RTL9: variants seen among roughly 807,000 people sequenced by gnomAD.
RTL9 encodes retrotransposon Gag-like protein 9.
Under a neutral mutation model 44.7 loss-of-function variants are expected in RTL9, and 19 were observed. The observed-to-expected ratio is 0.42, with a 90% CI of 0.30 to 0.62. RTL9 has a LOEUF of 0.62. Ranked by LOEUF, RTL9 falls within the 20% of genes least tolerant of loss-of-function variation. The pLI, the probability that RTL9 is intolerant of heterozygous loss-of-function variation, is 0.16. For synonymous variants in RTL9, 407 were observed against 398.9 expected, an observed-to-expected ratio of 1.02 and a Z score of -0.24; for missense variants, 1,105 against 1,080.6, an observed-to-expected ratio of 1.02 and a Z score of -0.32.
chrX:110,424,953 CA>C (rs2068743739), intron 1 of RTL9, among the ~76,000 whole-genome samples: 1 of 111,581 alleles, frequency 9.0e-6, no homozygotes, highest in African/African-American at 3.3e-5. Context: ...TTAGTCTTGA[CA>C]ACAGTATTCT....
intron 1 of RTL9, among the ~76,000 whole-genome samples, chrX:110,406,146 T>C (rs1382489108): frequency 9.1e-6 from 1 of 109,923 alleles, no homozygotes; most frequent in Non-Finnish European, 1.9e-5. Flanking sequence ...CTGTGTTACA[T>C]GTGCAGAACT....
At chrX:110,417,346 G>C (rs753740992), upstream of RTL9, among the ~76,000 whole-genome samples, 2 of 112,261 alleles carry the variant, frequency 1.8e-5, no homozygotes, top group Non-Finnish European at 3.8e-5. Flanking sequence ...ATTCAACAAT[G>C]ATTTATTGTG....
intron 1 of RTL9, among the ~76,000 whole-genome samples, chrX:110,422,416 T>G (rs2148322296): frequency 8.9e-6 from 1 of 112,671 alleles, no homozygotes; most frequent in South Asian, 3.7e-4. Flanking sequence ...GTTTGCAGAC[T>G]GGAATTTGCA....
At chrX:110,384,731 A>G (rs1487590909) in intron 1 of RTL9, among the ~76,000 whole-genome samples, 1 of 110,599 alleles carries the variant, frequency 9.0e-6, no homozygotes, top group African/African-American at 3.3e-5. Context: ...GAGTCACTAT[A>G]AGAGCTTTTC....
intron 1 of RTL9, among the ~76,000 whole-genome samples, chrX:110,380,203 T>G: frequency 8.9e-6 from 1 of 111,814 alleles, no homozygotes; most frequent in Non-Finnish European, 1.9e-5. Flanking sequence ...GAATTAAGGT[T>G]GCAAAATTGT....
At chrX:110,395,940 T>C (rs1464787029) in intron 1 of RTL9, among the ~76,000 whole-genome samples, 1 of 111,975 alleles carries the variant, frequency 8.9e-6, no homozygotes, top group African/African-American at 3.3e-5. Context: ...CCAGGGCTTA[T>C]GGAAGAACTT....
intron 1 of RTL9, among the ~76,000 whole-genome samples, chrX:110,366,709 T>G (rs2068299623): frequency 9.0e-6 from 1 of 111,560 alleles, no homozygotes; most frequent in African/African-American, 3.3e-5. Flanking sequence ...ATCCAATCGT[T>G]GTTAAATCCT....
chrX:110,453,130 A>G (rs779171967), exon 1 of RTL9: 1 of 1,209,939 alleles, frequency 8.3e-7, no homozygotes, highest in South Asian at 1.8e-5. Context: ...CCACAAGTGA[A>G]GGCTCCCATC....
chrX:110,397,651 C>T (rs1321829804), intron 1 of RTL9, among the ~76,000 whole-genome samples: 1 of 110,868 alleles, frequency 9.0e-6, no homozygotes, highest in Non-Finnish European at 1.9e-5. Flanking sequence ...AGAGAAATAC[C>T]CTGGTTTCTC....
chrX:110,404,241 CT>C (rs2068583212), intron 1 of RTL9, among the ~76,000 whole-genome samples: 1 of 111,816 alleles, frequency 8.9e-6, no homozygotes, highest in South Asian at 3.8e-4. Flanking sequence ...ACCTTTTCCC[CT>C]AGATCCTCTT....
chrX:110,431,294 G>A (rs1417397296), intron 1 of RTL9, among the ~76,000 whole-genome samples: 2 of 106,991 alleles, frequency 1.9e-5, no homozygotes, highest in African/African-American at 7.0e-5. Flanking sequence ...ATGAAGTGAA[G>A]GTTCATGAGA....
chrX:110,369,290 C>T (rs1240567616), intron 1 of RTL9, among the ~76,000 whole-genome samples: 1 of 111,200 alleles, frequency 9.0e-6, no homozygotes, highest in Non-Finnish European at 1.9e-5. Flanking sequence ...AGAGATGGCA[C>T]CACTGCACTA....
intron 1 of RTL9, among the ~76,000 whole-genome samples, chrX:110,372,729 G>A (rs904769699): frequency 9.0e-6 from 1 of 111,594 alleles, no homozygotes; most frequent in Non-Finnish European, 1.9e-5. Context: ...AAAATATATG[G>A]CTGAGCTCCA....
intron 1 of RTL9, among the ~76,000 whole-genome samples, chrX:110,441,785 A>G (rs113855873): frequency 0.011 from 1,288 of 112,098 alleles, 18 homozygotes; most frequent in African/African-American, 0.039. Context: ...AGAGGCACAT[A>G]GGAAATTGTG....
rs764338705 is a variant in RTL9, at chrX:110,367,880, C to T, written c.-168+8964C>T. ...CTGGAATGGAGTGGCACAATCATAG[C>T]TCACTATAACTTCAGACTCCTGGGC... is the stretch of plus-strand genomic sequence containing the variant. On this transcript the variant is annotated intron_variant, in intron 1 of 2. Coordinates refer to the RTL9 transcript ENST00000520821. Among the ~76,000 whole-genome samples the T allele has an allele frequency of 2.7e-5, 3 of 109,815 alleles. No individual in the cohort carries two copies. The East Asian group carries it at 8.5e-4, about 31-fold the overall frequency.
intron 1 of RTL9, among the ~76,000 whole-genome samples, chrX:110,442,870 AG>A (rs1317949422): frequency 8.9e-6 from 1 of 112,168 alleles, no homozygotes; most frequent in African/African-American, 3.2e-5. Context: ...GTCACTCTAT[AG>A]GCTGGCAAAC....
rs560749435 is a variant in RTL9 at position 110,399,643 on chromosome X, A to G, written c.-168+40727A>G. On this transcript the variant is annotated intron_variant, in intron 1 of 2. Coordinates refer to the RTL9 transcript ENST00000520821. ...TGAAAGGCGACCTGGTTCACTTACAAATAAATGATTAATATAATCTCATTG... is the reference window on the plus strand; with the variant it reads ...TGAAAGGCGACCTGGTTCACTTACAGATAAATGATTAATATAATCTCATTG... Among the ~76,000 whole-genome samples, 135 of 112,224 alleles carry G rather than the reference A, an allele frequency of 1.2e-3. 4 individuals carry two copies. In the South Asian group the frequency reaches 0.05, roughly 41 times the overall value.
rs1353756224 is a variant in RTL9, at chrX:110,365,766, T to C, written c.-168+6850T>C. Among the ~76,000 whole-genome samples the C allele has an allele frequency of 2.7e-5, 3 of 112,037 alleles. No homozygotes were observed. In the Admixed American group the frequency reaches 2.8e-4, roughly 11 times the overall value. On this transcript the variant is annotated intron_variant, in intron 1 of 2. Coordinates refer to the RTL9 transcript ENST00000520821. ...GCTCATGATCTTTCTGGGTGTTTTC[T>C]AATAATATATACCTTCTCACAATAT...
exon 1 of RTL9, chrX:110,451,066 C>G: frequency 8.3e-7 from 1 of 1,211,779 alleles, no homozygotes. Context: ...GATTTTGGAA[C>G]GATGTCCGCA....
Sources: allele counts gnomAD v4.1 joint callset (sites outside exome capture counted in the v4.1 genomes callset), GRCh38; gene constraint gnomAD v4.1.1; transcripts MANE v1.5; gene names NCBI Gene and HGNC (gene_info 2026-07-23, HGNC 2026-07-21).